The following ATP13A4 variants were observed in gnomAD, a reference collection of about 807,000 sequenced individuals.
ATP13A4 encodes the protein probable cation-transporting ATPase 13A4.
ATP13A4 carries 114 observed loss-of-function variants against 142.5 expected under a neutral mutation model. The observed-to-expected ratio is 0.80, with a 90% CI of 0.69 to 0.93. The LOEUF is 0.93. ATP13A4 is among the 40% of genes least tolerant of loss of function. The probability of loss-of-function intolerance (pLI) is 0.00; values close to 1 mark genes in which losing one functional copy is unlikely to be tolerated. For missense variants in ATP13A4, 1,392 were observed against 1,454.0 expected, an observed-to-expected ratio of 0.96 and a Z score of 0.69; for synonymous variants, 488 against 514.8, an observed-to-expected ratio of 0.95 and a Z score of 0.70.
At chr3:193,527,496 C>T (rs1722071483) in intron 1 of ATP13A4, among the ~76,000 whole-genome samples, 1 of 151,978 alleles carries the variant, frequency 6.6e-6, no homozygotes, top group Admixed American at 6.6e-5. Flanking sequence ...CCTGTAATCT[C>T]AGCTACTTGG....
At chr3:193,485,633 G>A (rs907037872) in intron 7 of ATP13A4, among the ~76,000 whole-genome samples, 1 of 152,148 alleles carries the variant, frequency 6.6e-6, no homozygotes, top group Non-Finnish European at 1.5e-5. Flanking sequence ...TTAAAAGACT[G>A]CCACAGTCTG....
chr3:193,436,133 T>C (rs140103167), intron 23 of ATP13A4, among the ~76,000 whole-genome samples: 1 of 152,354 alleles, frequency 6.6e-6, no homozygotes, highest in East Asian at 1.9e-4. Flanking sequence ...TGTGAACTAA[T>C]GGATTTAAAT....
intron 25 of ATP13A4, among the ~76,000 whole-genome samples, chr3:193,422,406 T>C (rs1338282554): frequency 1.4e-5 from 2 of 146,292 alleles, no homozygotes; most frequent in Non-Finnish European, 1.5e-5. Context: ...AACTTTCTAT[T>C]CAATAACAGA....
intron 10 of ATP13A4, among the ~76,000 whole-genome samples, chr3:193,467,052 T>C (rs569737031): frequency 1.8e-4 from 28 of 152,268 alleles, no homozygotes; most frequent in African/African-American, 6.0e-4. Flanking sequence ...ATAATTGGAT[T>C]GTTTGTAACT....
At chr3:193,480,375 A>T (rs1719221164) in intron 8 of ATP13A4, among the ~76,000 whole-genome samples, 1 of 152,134 alleles carries the variant, frequency 6.6e-6, no homozygotes, top group African/African-American at 2.4e-5. Flanking sequence ...TGCAATCTAT[A>T]CTTCTGTTGA....
At chr3:193,480,694 A>T (rs1719241363) in intron 8 of ATP13A4, among the ~76,000 whole-genome samples, 1 of 152,202 alleles carries the variant, frequency 6.6e-6, no homozygotes, top group South Asian at 2.1e-4. Context: ...GTAAACTAGT[A>T]AAACTGCTAT....
intron 2 of ATP13A4, among the ~76,000 whole-genome samples, chr3:193,565,003 T>C (rs1328758581): frequency 1.3e-5 from 2 of 152,220 alleles, no homozygotes; most frequent in Non-Finnish European, 2.9e-5. Flanking sequence ...CAGATGGCAC[T>C]GTCTAGTTGC....
chr3:193,548,784 A>T (rs1485333176), intron 1 of ATP13A4, among the ~76,000 whole-genome samples: 3 of 152,188 alleles, frequency 2.0e-5, no homozygotes, highest in Admixed American at 2.0e-4. Context: ...TGTGGTAACG[A>T]CCACACACCA....
chr3:193,590,119 GAA>G (rs1382862113), intron 1 of ATP13A4, among the ~76,000 whole-genome samples: 2 of 152,172 alleles, frequency 1.3e-5, no homozygotes, highest in African/African-American at 2.4e-5. Flanking sequence ...CATCGCAGTA[GAA>G]AAAGAGTTTA....
At chr3:193,581,718 C>A (rs979918197) in exon 2 of ATP13A4, 80 of 152,242 alleles carry the variant, frequency 5.3e-4, no homozygotes, top group African/African-American at 1.8e-3. Context: ...TCTTCCTGAT[C>A]TCTGGGAATG....
At chr3:193,499,854 A>T (rs1720442209) in intron 3 of ATP13A4, among the ~76,000 whole-genome samples, 2 of 152,220 alleles carry the variant, frequency 1.3e-5, no homozygotes, top group Admixed American at 1.3e-4. Flanking sequence ...GACATGAAAC[A>T]TCTGTAGATG....
At chr3:193,476,166 C>G (rs773187774) in intron 8 of ATP13A4, among the ~76,000 whole-genome samples, 7 of 152,008 alleles carry the variant, frequency 4.6e-5, no homozygotes, top group Non-Finnish European at 8.8e-5. Flanking sequence ...AGTATGTTTT[C>G]TAAAAAGACC....
intron 1 of ATP13A4, among the ~76,000 whole-genome samples, chr3:193,523,763 C>T (rs981161061): frequency 6.6e-6 from 1 of 152,108 alleles, no homozygotes; most frequent in Admixed American, 6.6e-5. Flanking sequence ...TTGTCCCCAC[C>T]AAACTCACAT....
In ATP13A4 at chr3:193,435,638, C is replaced by T; in HGVS notation, c.2769+10G>A. 1 of 1,607,998 alleles carries T rather than the reference C, an allele frequency of 6.2e-7. No individual in the cohort carries two copies. Among genetic ancestry groups the T allele is most frequent in the Non-Finnish European group, 8.5e-7 (1 of 1,174,624 alleles). On this transcript the variant is annotated intron_variant, in intron 24 of 29. Coordinates refer to ENST00000342695, the MANE Select transcript of ATP13A4 (RefSeq NM_032279.4). ...TCACACTAACCAAGAGGCTAAGTCC[C>T]AAGTCATACCCAGTAGAGCAGCAGA...
At position 193,441,571 on chromosome 3, in the gene ATP13A4, G is replaced by A. The variant is rs763566874; in HGVS notation, c.2334C>T (p.Ile778=). 14 of 1,613,402 alleles carry A rather than the reference G, an allele frequency of 8.7e-6. No homozygotes were observed. In the South Asian group the frequency reaches 1.5e-4, roughly 18 times the overall value. ...TGCCTTTATCAGAGACTTCATCCCT[G>A]ATGTTAATGTAATTGTCCTACAAAG... The part of the protein sequence containing the change: ...MYGNQDNYIN[I]RDEVSDKGRE... Residue 778 remains isoleucine, a synonymous_variant, in exon 20 of 30, where the codon ATC becomes ATT. Coordinates refer to ENST00000342695, the MANE Select transcript of ATP13A4 (RefSeq NM_032279.4).
intron 2 of ATP13A4, among the ~76,000 whole-genome samples, chr3:193,573,292 CATATATATATATATACATATATATAT>C (rs1161447871): frequency 9.3e-6 from 1 of 107,888 alleles, no homozygotes; most frequent in South Asian, 2.7e-4. Context: ...TATATATACA[CATATATATATATATACATATATATAT>C]ATATATATAA....
At chr3:193,457,522 T>G in intron 14 of ATP13A4, 57 bp from the exon 15 acceptor site, 1 of 1,518,732 alleles carries the variant, frequency 6.6e-7, no homozygotes, top group Non-Finnish European at 9.1e-7. Flanking sequence ...TGCCCACTGA[T>G]GCTATGCTTG....
intron 26 of ATP13A4, among the ~76,000 whole-genome samples, chr3:193,412,947 C>T (rs897634255): frequency 3.9e-5 from 6 of 152,118 alleles, no homozygotes; most frequent in African/African-American, 1.4e-4. Context: ...TTGCTTGAAT[C>T]CAAAGGCAGA....
At chr3:193,561,297 G>T (rs528750440) in intron 2 of ATP13A4, among the ~76,000 whole-genome samples, 19 of 152,338 alleles carry the variant, frequency 1.2e-4, no homozygotes, top group African/African-American at 4.6e-4. Flanking sequence ...CTGGGCTGAG[G>T]CCCCTGGGGA....
Sources: allele counts gnomAD v4.1 joint callset (sites outside exome capture counted in the v4.1 genomes callset), GRCh38; gene constraint gnomAD v4.1.1; transcripts MANE v1.5; gene names NCBI Gene and HGNC (gene_info 2026-07-23, HGNC 2026-07-21).